The following ITFG1 variants were observed in gnomAD, a reference collection of about 807,000 sequenced individuals.
The protein encoded by ITFG1 is integrin alpha FG-GAP repeat containing 1.
ITFG1 carries 34 observed loss-of-function variants against 81.8 expected under a neutral mutation model. The observed-to-expected ratio is 0.42, with a 90% CI of 0.32 to 0.55. The LOEUF (loss-of-function observed/expected upper bound fraction) is 0.55, where lower values mean the gene tolerates loss of function less well. Ranked by LOEUF, ITFG1 falls within the 20% of genes least tolerant of loss-of-function variation. The pLI is 0.17. For missense variants in ITFG1, 672 were observed against 755.4 expected (o/e 0.89, Z 1.29); for synonymous variants, 285 against 270.6 (o/e 1.05, Z -0.52).
rs974428641 is a variant in ITFG1 at position 47,409,590 on chromosome 16, A to AT, written c.655+19213dup. ...ACCACCACACCCAGCTAATTTTTGT[A>AT]TTTTTTTTTGTAGAGATGGAGTTTC... On this transcript the variant is annotated intron_variant, in intron 6 of 17. Transcript: ENST00000320640. Among the ~76,000 whole-genome samples the AT allele has an allele frequency of 2.0e-3, 294 of 145,068 alleles. 1 individual carries two copies. Among genetic ancestry groups the AT allele is most frequent in the African/African-American group, 6.3e-3 (250 of 39,376 alleles).
intron 6 of ITFG1, among the ~76,000 whole-genome samples, chr16:47,376,958 T>C (rs1401903661): frequency 1.1e-5 from 1 of 92,712 alleles, no homozygotes; most frequent in East Asian, 2.8e-4. Flanking sequence ...GGAGACTCTG[T>C]CTCCCCAAAA....
chr16:47,185,212 C>G (rs1294850443), intron 14 of ITFG1, among the ~76,000 whole-genome samples: 5 of 152,162 alleles, frequency 3.3e-5, no homozygotes, highest in South Asian at 4.1e-4. Context: ...CAACATTAGA[C>G]AGATCAGCGA....
At chr16:47,323,981 T>C (rs1445207781) in intron 8 of ITFG1, among the ~76,000 whole-genome samples, 1 of 152,228 alleles carries the variant, frequency 6.6e-6, no homozygotes, top group African/African-American at 2.4e-5. Flanking sequence ...AAATGTGCTA[T>C]GAAATTATAA....
At chr16:47,306,508 T>C (rs2151562183) in intron 10 of ITFG1, among the ~76,000 whole-genome samples, 1 of 152,182 alleles carries the variant, frequency 6.6e-6, no homozygotes, top group South Asian at 2.1e-4. Flanking sequence ...TGCAAGATTT[T>C]AAATAAAAAA....
At chr16:47,412,810 C>T (rs1968828814) in intron 6 of ITFG1, among the ~76,000 whole-genome samples, 1 of 151,578 alleles carries the variant, frequency 6.6e-6, no homozygotes, top group Non-Finnish European at 1.5e-5. Flanking sequence ...CTCTGCCAGA[C>T]AAAAATAAAG....
chr16:47,429,450 C>T (rs991756794), intron 5 of ITFG1, among the ~76,000 whole-genome samples: 1 of 152,106 alleles, frequency 6.6e-6, no homozygotes, highest in African/African-American at 2.4e-5. Flanking sequence ...TTGGTATATA[C>T]CTAGGAGTGG....
At chr16:47,337,354 G>A (rs1967720293) in intron 8 of ITFG1, among the ~76,000 whole-genome samples, 1 of 151,872 alleles carries the variant, frequency 6.6e-6, no homozygotes, top group African/African-American at 2.4e-5. Context: ...GGCAGATCAC[G>A]AGGTCAGGAG....
chr16:47,410,195 C>A (rs933330841), intron 6 of ITFG1, among the ~76,000 whole-genome samples: 2 of 152,154 alleles, frequency 1.3e-5, no homozygotes, highest in African/African-American at 2.4e-5. Context: ...GGGAGGATTA[C>A]TTGAGCCCAG....
At chr16:47,306,038 G>A (rs1047675664) in intron 10 of ITFG1, among the ~76,000 whole-genome samples, 2 of 152,056 alleles carry the variant, frequency 1.3e-5, no homozygotes, top group African/African-American at 2.4e-5. Flanking sequence ...AATCGGGGTC[G>A]GGAGAGAGAG....
chr16:47,239,752 C>T (rs1242149948), intron 12 of ITFG1, among the ~76,000 whole-genome samples: 1 of 152,142 alleles, frequency 6.6e-6, no homozygotes, highest in Non-Finnish European at 1.5e-5. Context: ...TATGAAAACC[C>T]TAACTTCTCA....
chr16:47,189,429 T>C (rs1596796518), intron 14 of ITFG1, among the ~76,000 whole-genome samples: 1 of 152,328 alleles, frequency 6.6e-6, no homozygotes, highest in East Asian at 1.9e-4. Context: ...AAGTTGCCTA[T>C]TCTGGACCTT....
At chr16:47,244,594 TG>T (rs1965975900) in intron 12 of ITFG1, among the ~76,000 whole-genome samples, 3 of 1,082 alleles carry the variant, frequency 2.8e-3, no homozygotes, top group East Asian at 0.33. Flanking sequence ...CCATCTTTTG[TG>T]TGTGTGTGTG....
chr16:47,267,717 TCATAATGGAATTAAATG>T (rs1426771885), intron 10 of ITFG1, among the ~76,000 whole-genome samples: 1 of 152,134 alleles, frequency 6.6e-6, no homozygotes, highest in Non-Finnish European at 1.5e-5. Flanking sequence ...TTTTCTCTGA[TCATAATGGAATTAAATG>T]GGAAAGCAAT....
intron 14 of ITFG1, among the ~76,000 whole-genome samples, chr16:47,192,720 A>G (rs919138569): frequency 1.7e-4 from 26 of 152,168 alleles, no homozygotes; most frequent in Non-Finnish European, 5.9e-5. Flanking sequence ...TCCCTTGAGG[A>G]CAGGCCTTTG....
intron 14 of ITFG1, among the ~76,000 whole-genome samples, chr16:47,198,228 T>C (rs974869323): frequency 4.6e-5 from 7 of 152,214 alleles, no homozygotes; most frequent in Non-Finnish European, 2.9e-5. Flanking sequence ...TTTGCCAGCG[T>C]ATTAGAATGC....
At chr16:47,210,369 T>C (rs1965548555) in intron 14 of ITFG1, among the ~76,000 whole-genome samples, 1 of 152,164 alleles carries the variant, frequency 6.6e-6, no homozygotes, top group Non-Finnish European at 1.5e-5. Flanking sequence ...ATGTCTCTTG[T>C]CCATGTTTTA....
At chr16:47,180,401 C>CCTCTCT (rs971469122) in intron 14 of ITFG1, among the ~76,000 whole-genome samples, 1 of 152,010 alleles carries the variant, frequency 6.6e-6, no homozygotes, top group East Asian at 1.9e-4. Flanking sequence ...TCTCCCTCTC[C>CCTCTCT]CTCTCTTTCC....
intron 12 of ITFG1, among the ~76,000 whole-genome samples, chr16:47,244,281 A>T (rs1181519752): frequency 2.0e-5 from 3 of 152,186 alleles, no homozygotes; most frequent in Non-Finnish European, 4.4e-5. Context: ...GGGTCATGGG[A>T]ACCCTGATTC....
chr16:47,258,754 A>G lies in ITFG1; in HGVS notation c.1222-14T>C. ...GTCCAAGATTCCCTGGAAAAAAACA[A>G]ACAAAAATGGTAAGAACAAACTATT... On this transcript the variant is annotated splice_polypyrimidine_tract_variant and intron_variant, in intron 11 of 17. Coordinates refer to ENST00000320640, the MANE Select transcript of ITFG1 (RefSeq NM_030790.5). The G allele has an allele frequency of 7.8e-7, 1 of 1,283,090 alleles. No individual in the cohort carries two copies. Among genetic ancestry groups the G allele is most frequent in the South Asian group, 1.4e-5 (1 of 72,754 alleles). 79.5% of individuals were successfully genotyped at this position (1,283,090 alleles called of 1,614,324 possible). A position where few individuals can be genotyped will look rare whatever the true frequency, so the allele number is the denominator to read the frequency against.
Sources: allele counts gnomAD v4.1 joint callset (sites outside exome capture counted in the v4.1 genomes callset), GRCh38; gene constraint gnomAD v4.1.1; transcripts MANE v1.5; gene names NCBI Gene and HGNC (gene_info 2026-07-23, HGNC 2026-07-21).